The following UGT3A1 variants were observed in gnomAD, a reference collection of about 807,000 sequenced individuals.
The protein encoded by UGT3A1 is UDP glycosyltransferase family 3 member A1.
Under a neutral mutation model 37.6 loss-of-function variants are expected in UGT3A1, and 40 were observed. The observed-to-expected ratio is 1.06, with a 90% CI of 0.83 to 1.38. The LOEUF is 1.38. Ranked by LOEUF, UGT3A1 falls within the 40% of genes most tolerant of loss-of-function variation. The pLI is 0.00. For missense variants in UGT3A1, 642 were observed against 634.2 expected (o/e 1.01, Z -0.13); for synonymous variants, 256 against 232.3 (o/e 1.10, Z -0.93).
upstream of UGT3A1, among the ~76,000 whole-genome samples, chr5:35,995,253 T>C (rs1250465392): frequency 1.3e-5 from 2 of 152,110 alleles, no homozygotes; most frequent in Non-Finnish European, 2.9e-5. Flanking sequence ...CACTCAACAG[T>C]AGTCTGACTT....
chr5:35,960,693 C>T (rs754529407), intron 4 of UGT3A1: 1 of 152,240 alleles, frequency 6.6e-6, no homozygotes, highest in African/African-American at 2.4e-5. Context: ...CAGCTCAACG[C>T]CCTCTTGGTA....
intron 1 of UGT3A1, chr5:35,990,934 AGT>A (rs1740921663): frequency 7.0e-7 from 1 of 1,436,118 alleles, no homozygotes; most frequent in African/African-American, 1.4e-5. Flanking sequence ...AAGAAAGGAG[AGT>A]GTCTTTTCTC....
intron 2 of UGT3A1, among the ~76,000 whole-genome samples, chr5:35,972,493 A>ATGTG (rs751886566): frequency 4.6e-5 from 4 of 87,332 alleles, no homozygotes; most frequent in Non-Finnish European, 7.2e-5. Context: ...TCCTTGAAAT[A>ATGTG]CGTGTGTGTG....
chr5:35,960,737 G>A (rs576151081), intron 4 of UGT3A1: 1 of 152,352 alleles, frequency 6.6e-6, no homozygotes, highest in South Asian at 2.1e-4. Flanking sequence ...GAAAGAACCA[G>A]GTCACACATA....
rs773863744 is a variant in UGT3A1 at position 35,968,072 on chromosome 5, T to G, written c.258A>C (p.Gln86His). 9 of 1,613,102 alleles carry G rather than the reference T, an allele frequency of 5.6e-6. No homozygotes were observed. In the South Asian group the frequency reaches 8.8e-5, roughly 16 times the overall value. Residue 86 changes from glutamine (Q) to histidine (H), a missense_variant, in exon 3 of 7, where the codon CAA (glutamine) becomes CAC (histidine). Gln to His is a conservative substitution (Grantham distance 24). Transcript: ENST00000274278. ...TATCAAAATGCTTCTTAATTCTTTT[T>G]TGATGATCTTCAGGTGAAAACCACC... ...VIRWFSPEDH[Q>H]KRIKKHFDSY... is the part of the protein sequence containing the mutation.
chr5:35,951,091 A>T lies in UGT3A1; in HGVS notation c.*3111T>A, dbSNP rs981204550. 1 of 152,022 alleles carries T rather than the reference A, an allele frequency of 6.6e-6. No individual in the cohort carries two copies. The allele number at this position is 152,022 out of a possible 1,614,324, so 9.4% of individuals were successfully genotyped here. On this transcript the variant is annotated 3_prime_UTR_variant, in exon 7 of 7. Transcript: ENST00000274278. ...CTGTGTTTAAAAGGTAATGATGCTA[A>T]TTTTTTTCACTACAGTATAGTTACA... is the stretch of plus-strand genomic sequence containing the variant.
Position 35,954,054 on chromosome 5 carries a change from A to T in UGT3A1, c.*148T>A. On this transcript the variant is annotated 3_prime_UTR_variant, in exon 7 of 7. Coordinates refer to ENST00000274278, the MANE Select transcript of UGT3A1 (RefSeq NM_152404.4). ...GCCTCAGTGGTGCGTGAAGATTTCT[A>T]AACAGAGGCAGAGAATAGAAAGAAG... is the stretch of plus-strand genomic sequence containing the variant. 4 of 868,662 alleles carry T rather than the reference A, an allele frequency of 4.6e-6. No individual in the cohort carries two copies. The highest frequency in any genetic ancestry group is 7.0e-6 in the Non-Finnish European group (4 of 573,812). 53.8% of individuals were successfully genotyped at this position (868,662 alleles called of 1,614,324 possible).
rs1262450565 is a variant in UGT3A1, at chr5:35,953,850, T to G, written c.*352A>C. The G allele has an allele frequency of 4.9e-6, 1 of 202,238 alleles. No homozygotes were observed. The highest frequency in any genetic ancestry group is 1.0e-5 in the Non-Finnish European group (1 of 99,642). 12.5% of individuals were successfully genotyped at this position (202,238 alleles called of 1,614,324 possible). ...AGATATGTCAAATATTTCCTGAGTTTTTTTATGAAAAGTGATAGAAGGAGA... is the reference window on the plus strand; with the variant it reads ...AGATATGTCAAATATTTCCTGAGTTGTTTTATGAAAAGTGATAGAAGGAGA... On this transcript the variant is annotated 3_prime_UTR_variant, in exon 7 of 7. Transcript: ENST00000274278.
chr5:35,993,055 C>G (rs1194464987), upstream of UGT3A1, among the ~76,000 whole-genome samples: 1 of 152,184 alleles, frequency 6.6e-6, no homozygotes, highest in East Asian at 1.9e-4. Context: ...CAGTCACCCC[C>G]AGCCCACCAG....
rs370982337 is a variant in UGT3A1, at chr5:35,954,498, G to A, written c.1296-20C>T. 1.2e-5 allele frequency: 20 copies of A among 1,611,346 alleles called. No homozygotes were observed. The African/African-American group carries it at 2.7e-4, about 22-fold the overall frequency. ...TTGTACCTGTTGGCGGAGACAGAGAGGGTGTGTTACTGACGTAGCCTCACA... is the reference window on the plus strand; with the variant it reads ...TTGTACCTGTTGGCGGAGACAGAGAAGGTGTGTTACTGACGTAGCCTCACA... On this transcript the variant is annotated intron_variant, in intron 6 of 6. Coordinates refer to ENST00000274278, the MANE Select transcript of UGT3A1 (RefSeq NM_152404.4).
upstream of UGT3A1, among the ~76,000 whole-genome samples, chr5:35,993,568 T>A (rs907707886): frequency 3.3e-5 from 5 of 151,960 alleles, no homozygotes; most frequent in Non-Finnish European, 5.9e-5. Context: ...TATCCCACCC[T>A]CTCCCCTTTA....
At chr5:35,984,744 A>G (rs975218876) in intron 2 of UGT3A1, among the ~76,000 whole-genome samples, 1 of 152,166 alleles carries the variant, frequency 6.6e-6, no homozygotes, top group Non-Finnish European at 1.5e-5. Context: ...AAGTCCTGAG[A>G]TTACAGGTGT....
chr5:35,957,465 C>T, intron 4 of UGT3A1, 46 bp from the exon 5 acceptor site: 2 of 1,502,672 alleles, frequency 1.3e-6, no homozygotes, highest in Non-Finnish European at 1.8e-6. Context: ...ATTGAGAACG[C>T]CTAAGTGTCC....
At position 35,975,743 on chromosome 5, in the gene UGT3A1, G is replaced by C. The variant is rs368892352; in HGVS notation, c.197-7610C>G. ...TAAGTTTTAGGTACATGTGCACAAC[G>C]TGCAGGTTTGTTGCATATGTATACA... On this transcript the variant is annotated intron_variant, in intron 2 of 6. Coordinates refer to ENST00000274278, the MANE Select transcript of UGT3A1 (RefSeq NM_152404.4). Among the ~76,000 whole-genome samples, 61 of 151,564 alleles carry C rather than the reference G, an allele frequency of 4.0e-4. 1 individual carries two copies. In the East Asian group the frequency reaches 8.3e-3, roughly 21 times the overall value.
chr5:35,997,145 G>GGA (rs571744891), intron 2 of UGT3A1: 207 of 152,304 alleles, frequency 1.4e-3, no homozygotes, highest in African/African-American at 4.6e-3. Context: ...AGAAGATGGA[G>GGA]TCTTGTGCAG....
intron 1 of UGT3A1, among the ~76,000 whole-genome samples, chr5:35,990,269 A>G (rs73076178): frequency 0.021 from 3,194 of 152,154 alleles, 131 homozygotes; most frequent in African/African-American, 0.073. Flanking sequence ...CCCTCTCAGA[A>G]TATCAAAATG....
chr5:35,955,817 C>T lies in UGT3A1; in HGVS notation c.1123G>A (p.Val375Ile), dbSNP rs772440877. 75 of 1,614,074 alleles carry T rather than the reference C, an allele frequency of 4.6e-5. No individual in the cohort carries two copies. Among genetic ancestry groups the T allele is most frequent in the Middle Eastern group, 3.3e-4 (2 of 6,084 alleles). The part of the protein sequence containing the change: ...LFVTHGGQNS[V>I]MEAIRHGVPM... ...ACACCATGACGGATGGCCTCCATTACGCTGTTCTGCCCACCATGAGTGACA... is the reference window on the plus strand; with the variant it reads ...ACACCATGACGGATGGCCTCCATTATGCTGTTCTGCCCACCATGAGTGACA... Residue 375 changes from valine to isoleucine, a missense_variant, in exon 6 of 7, where the codon GTA (valine) becomes ATA (isoleucine). Transcript: ENST00000274278.
chr5:35,957,294 G>C lies in UGT3A1; in HGVS notation c.969C>G (p.Leu323=). 1.2e-6 allele frequency: 2 copies of C among 1,614,194 alleles called. No individual in the cohort carries two copies. The highest frequency in any genetic ancestry group is 1.7e-6 in the Non-Finnish European group (2 of 1,180,030). ...GACATGTCCATATCACTCCTTGAGG[G>C]AGGTGGGCAAAGGCATTGTGCATCT... is the stretch of plus-strand genomic sequence containing the variant. ...LKKMHNAFAH[L]PQGVIWTCQS... The change falls in exon 5 of 7, where the codon CTC becomes CTG. Residue 323 remains leucine (L), a synonymous_variant. Coordinates refer to ENST00000274278, the MANE Select transcript of UGT3A1 (RefSeq NM_152404.4).
upstream of UGT3A1, chr5:35,991,586 A>C (rs1254708190): frequency 9.5e-7 from 1 of 1,049,488 alleles, no homozygotes; most frequent in African/African-American, 1.7e-5. Context: ...GGGCCTCAGT[A>C]AATCACGTTA....
Sources: gnomAD v4.1 joint callset for allele counts (sites outside exome capture counted in the v4.1 genomes callset) on GRCh38, gnomAD v4.1.1 for gene constraint, MANE v1.5 for transcripts, NCBI Gene and HGNC (gene_info 2026-07-23, HGNC 2026-07-21) for gene names.